The following PDE10A variants were observed in gnomAD, a reference collection of about 807,000 sequenced individuals.
The protein encoded by PDE10A is cAMP and cAMP-inhibited cGMP 3',5'-cyclic phosphodiesterase 10A.
A neutral mutation model predicts 97.7 loss-of-function variants in PDE10A; 39 were observed. That is an observed-to-expected ratio of 0.40 (90% CI 0.31 to 0.52). The LOEUF (loss-of-function observed/expected upper bound fraction) is 0.52, where lower values mean the gene tolerates loss of function less well. Among genes scored for constraint, PDE10A ranks in the 20% least tolerant of loss-of-function variants. PDE10A has a pLI of 0.56. For synonymous variants in PDE10A, 371 were observed against 376.8 expected (o/e 0.98, Z 0.18); for missense variants, 731 against 1,047.8 (o/e 0.70, Z 4.17).
chr6:165,854,300 C>T (rs1016522517), intron 1 of PDE10A, among the ~76,000 whole-genome samples: 7 of 152,090 alleles, frequency 4.6e-5, no homozygotes, highest in Non-Finnish European at 7.4e-5. Flanking sequence ...AAGGGGCCCG[C>T]AGGAGGCAGG....
intron 1 of PDE10A, among the ~76,000 whole-genome samples, chr6:165,590,510 C>T (rs1786188530): frequency 6.6e-6 from 1 of 152,138 alleles, no homozygotes; most frequent in Admixed American, 6.5e-5. Flanking sequence ...CTTTTGAGTG[C>T]TTATTATGTG....
At chr6:165,633,103 A>AG (rs1190744947) in intron 1 of PDE10A, among the ~76,000 whole-genome samples, 1 of 152,076 alleles carries the variant, frequency 6.6e-6, no homozygotes, top group Non-Finnish European at 1.5e-5. Flanking sequence ...AAAAGAAAAA[A>AG]GAAAAAAAAG....
intron 5 of PDE10A, among the ~76,000 whole-genome samples, chr6:165,445,920 A>G (rs1583299462): frequency 1.4e-5 from 2 of 142,192 alleles, no homozygotes; most frequent in African/African-American, 2.5e-5. Flanking sequence ...GAGAGAGAGA[A>G]AGGAAAAATA....
At chr6:165,872,091 T>A (rs914966974) in intron 1 of PDE10A, among the ~76,000 whole-genome samples, 2 of 152,162 alleles carry the variant, frequency 1.3e-5, no homozygotes, top group African/African-American at 4.8e-5. Context: ...AAGGTCTCAA[T>A]TGAGGGTGGC....
chr6:165,800,594 C>T (rs773294468), intron 1 of PDE10A, among the ~76,000 whole-genome samples: 1 of 152,176 alleles, frequency 6.6e-6, no homozygotes, highest in Non-Finnish European at 1.5e-5. Flanking sequence ...CCTGAGGGCC[C>T]ATGGAAACCC....
intron 1 of PDE10A, among the ~76,000 whole-genome samples, chr6:165,890,561 G>C (rs1307005092): frequency 1.3e-5 from 2 of 152,174 alleles, no homozygotes; most frequent in Non-Finnish European, 2.9e-5. Flanking sequence ...TACCGCCAGA[G>C]TTACAAGTCA....
At chr6:165,588,451 C>T (rs1006583091) in intron 1 of PDE10A, among the ~76,000 whole-genome samples, 2 of 151,548 alleles carry the variant, frequency 1.3e-5, no homozygotes, top group Admixed American at 6.6e-5. Context: ...CCACCATGCC[C>T]GGCTAATTTT....
rs921009745 is a variant in PDE10A, at chr6:165,662,980, T to C, written c.-169A>G. Among the ~76,000 whole-genome samples the C allele has an allele frequency of 2.7e-5, 4 of 150,770 alleles. No individual in the cohort carries two copies. Among genetic ancestry groups the C allele is most frequent in the African/African-American group, 9.7e-5 (4 of 41,156 alleles). On this transcript the variant is annotated 5_prime_UTR_variant, in exon 1 of 22. The change abolishes an upstream ATG in the 5' untranslated region. Coordinates refer to ENST00000539869, the MANE Select transcript of PDE10A (RefSeq NM_001385079.1). ...CTTCCCTCCCAGTCTAGTCTTCACA[T>C]TGTGCTCGGCTTGGGTTGCGGGAGG...
chr6:165,879,934 ACT>A (rs1781433447), intron 1 of PDE10A, among the ~76,000 whole-genome samples: 3 of 149,858 alleles, frequency 2.0e-5, no homozygotes, highest in East Asian at 2.0e-4. Context: ...GGGGGGGGAC[ACT>A]CTTTAACCCA....
intron 2 of PDE10A, among the ~76,000 whole-genome samples, chr6:165,517,440 C>T (rs1781876648): frequency 6.6e-6 from 1 of 152,104 alleles, no homozygotes; most frequent in Non-Finnish European, 1.5e-5. Flanking sequence ...GAAGAGAAAT[C>T]TCTCATTCTA....
At chr6:165,851,266 C>A (rs1780564815) in intron 1 of PDE10A, among the ~76,000 whole-genome samples, 1 of 152,174 alleles carries the variant, frequency 6.6e-6, no homozygotes, top group Non-Finnish European at 1.5e-5. Context: ...TAGAGAAAAG[C>A]AATTGAACTG....
In PDE10A at chr6:165,532,343, C is replaced by T. The variant is rs187120181; in HGVS notation, c.994+11097G>A. Among the ~76,000 whole-genome samples, 12 of 150,974 alleles carry T rather than the reference C, an allele frequency of 7.9e-5. No individual in the cohort carries two copies. The South Asian group carries it at 1.1e-3, about 13-fold the overall frequency. ...TAGATAAGCGCATATCTAGTATGTG[C>T]GTAACGCTTGCTAAGCATTAGACAC... On this transcript the variant is annotated intron_variant, in intron 2 of 21. Transcript: ENST00000539869.
At chr6:165,647,595 T>G (rs1467838116) in intron 1 of PDE10A, among the ~76,000 whole-genome samples, 2 of 152,206 alleles carry the variant, frequency 1.3e-5, no homozygotes, top group African/African-American at 2.4e-5. Flanking sequence ...TTCCTTTAAT[T>G]TCTTGCCAAG....
At chr6:165,983,592 C>A (rs962203588) in intron 1 of PDE10A, among the ~76,000 whole-genome samples, 2 of 152,224 alleles carry the variant, frequency 1.3e-5, no homozygotes, top group Admixed American at 1.3e-4. Context: ...TTTCCAGTCG[C>A]CTTCATTTCA....
intron 1 of PDE10A, among the ~76,000 whole-genome samples, chr6:165,687,298 G>T (rs936387689): frequency 1.2e-4 from 18 of 152,218 alleles, no homozygotes; most frequent in Admixed American, 8.5e-4. Flanking sequence ...TGCTTGGGAA[G>T]GTTTCTTAAC....
chr6:165,853,885 G>A (rs1247392854), intron 1 of PDE10A, among the ~76,000 whole-genome samples: 1 of 152,186 alleles, frequency 6.6e-6, no homozygotes, highest in African/African-American at 2.4e-5. Flanking sequence ...CCTGTCCTCC[G>A]AAACTGTGCA....
At chr6:165,983,233 G>A (rs540946072) in intron 1 of PDE10A, among the ~76,000 whole-genome samples, 4 of 152,300 alleles carry the variant, frequency 2.6e-5, no homozygotes, top group Admixed American at 2.6e-4. Context: ...AAAACCATCT[G>A]AGTGTGTACA....
chr6:165,750,997 A>G (rs1371768186), intron 1 of PDE10A, among the ~76,000 whole-genome samples: 1 of 152,164 alleles, frequency 6.6e-6, no homozygotes, highest in East Asian at 1.9e-4. Context: ...GTGTGCCTTC[A>G]CCAAGCCTTG....
chr6:165,410,106 C>G (rs1448970814), intron 13 of PDE10A, among the ~76,000 whole-genome samples: 5 of 152,040 alleles, frequency 3.3e-5, no homozygotes, highest in Admixed American at 3.3e-4. Flanking sequence ...TATTCTTACT[C>G]AAAATGACTT....
Sources: allele counts gnomAD v4.1 joint callset (sites outside exome capture counted in the v4.1 genomes callset), GRCh38; gene constraint gnomAD v4.1.1; transcripts MANE v1.5; gene names NCBI Gene and HGNC (gene_info 2026-07-23, HGNC 2026-07-21).